Variants in KALRN observed in about 807,000 individuals in gnomAD.
The protein encoded by KALRN is kalirin RhoGEF kinase.
A neutral mutation model predicts 353.7 loss-of-function variants in KALRN; 70 were observed. The ratio of observed to expected loss-of-function variants is 0.20; its 90% CI spans 0.16 to 0.24. The LOEUF is 0.24. Among genes scored for constraint, KALRN ranks in the 10% least tolerant of loss-of-function variants. KALRN has a pLI of 1.00. For missense variants in KALRN, 2,791 were observed against 3,756.7 expected (o/e 0.74, Z 6.72); for synonymous variants, 1,391 against 1,434.8 (o/e 0.97, Z 0.69).
chr3:124,510,033 A>G (rs1415281849), intron 33 of KALRN, among the ~76,000 whole-genome samples: 5 of 152,210 alleles, frequency 3.3e-5, no homozygotes, highest in African/African-American at 4.8e-5. Flanking sequence ...GTGTGGTTCT[A>G]TTTAGTGAAG....
At chr3:124,144,643 C>T (rs566234617) in intron 1 of KALRN, among the ~76,000 whole-genome samples, 1 of 151,274 alleles carries the variant, frequency 6.6e-6, no homozygotes, top group East Asian at 2.0e-4. Context: ...TCATCCTCCT[C>T]CTCTTCCTCA....
intron 7 of KALRN, among the ~76,000 whole-genome samples, chr3:124,327,583 A>G (rs1420632449): frequency 6.6e-6 from 1 of 152,214 alleles, no homozygotes; most frequent in African/African-American, 2.4e-5. Flanking sequence ...TATATGTAAT[A>G]TATAGTCATA....
intron 17 of KALRN, among the ~76,000 whole-genome samples, chr3:124,437,228 T>C (rs1383115950): frequency 1.3e-5 from 2 of 152,172 alleles, no homozygotes; most frequent in Non-Finnish European, 2.9e-5. Context: ...TGGTGACAGA[T>C]CTTCTCATGT....
rs1166640661 is a variant in KALRN, at chr3:124,455,246, G to T, written c.3622G>T (p.Ala1208Ser). 2.5e-6 allele frequency: 4 copies of T among 1,614,060 alleles called. No individual in the cohort carries two copies. The African/African-American group carries it at 5.3e-5, about 22-fold the overall frequency. The stretch of plus-strand genomic sequence containing the variant: ...CTTTGTGGAAAAAGGCCACATTCAT[G>T]CCACGGAGATAAGGAAATGGGTGAC... ...DSFVEKGHIH[A>S]TEIRKWVTTV... Residue 1208 changes from alanine to serine, a missense_variant, in exon 22 of 60, where the codon GCC becomes TCC. Ala to Ser is a moderately conservative substitution (Grantham distance 99). Coordinates refer to ENST00000682506, the MANE Select transcript of KALRN (RefSeq NM_001388419.1).
rs2059187447 is a variant in KALRN at position 124,455,159 on chromosome 3, G to C, written c.3553-18G>C. On this transcript the variant is annotated intron_variant, in intron 21 of 59. Coordinates refer to ENST00000682506, the MANE Select transcript of KALRN (RefSeq NM_001388419.1). The stretch of plus-strand genomic sequence containing the variant: ...GAATAAATGTAATCCAGTAACTTAA[G>C]GCCATCTTTTGGGGCAGCAAACAAA... 2.5e-6 allele frequency: 4 copies of C among 1,613,732 alleles called. No individual in the cohort carries two copies. In the East Asian group the frequency reaches 8.9e-5, roughly 36 times the overall value.
chr3:124,446,910 C>A, intron 21 of KALRN, 25 bp downstream of exon 21: 1 of 1,613,054 alleles, frequency 6.2e-7, no homozygotes, highest in East Asian at 2.2e-5. Flanking sequence ...AGAGCCTCCC[C>A]CAGATCCACC....
chr3:124,148,165 C>T (rs998616505), intron 1 of KALRN, among the ~76,000 whole-genome samples: 2 of 152,228 alleles, frequency 1.3e-5, no homozygotes, highest in African/African-American at 4.8e-5. Context: ...TGTGTTTAGT[C>T]AGTAGCAGGC....
intron 11 of KALRN, among the ~76,000 whole-genome samples, chr3:124,389,899 AT>A (rs1341769704): frequency 7.9e-5 from 12 of 152,364 alleles, no homozygotes; most frequent in African/African-American, 2.4e-4. Context: ...GAACAATCCA[AT>A]AAATGTTATT....
intron 56 of KALRN, among the ~76,000 whole-genome samples, chr3:124,701,579 G>C (rs1386938320): frequency 6.6e-6 from 1 of 151,368 alleles, no homozygotes; most frequent in East Asian, 1.9e-4. Context: ...GTAGAGACAG[G>C]GTCTTGCTAT....
intron 25 of KALRN, among the ~76,000 whole-genome samples, chr3:124,466,349 T>C (rs1267382073): frequency 6.6e-6 from 1 of 152,194 alleles, no homozygotes; most frequent in African/African-American, 2.4e-5. Context: ...TTGATTGCAT[T>C]TTATAAGCAT....
chr3:124,533,113 G>T (rs1393245329), intron 33 of KALRN, among the ~76,000 whole-genome samples: 1 of 151,496 alleles, frequency 6.6e-6, no homozygotes. Flanking sequence ...TTATGGCTGG[G>T]CATGGTAGCT....
chr3:124,284,435 T>C (rs895063), intron 5 of KALRN, among the ~76,000 whole-genome samples: 144,071 of 152,276 alleles, frequency 0.95, 68,654 homozygotes, highest in Non-Finnish European at 1. Flanking sequence ...CTTTGCCTGA[T>C]GAAATCCTGT....
At chr3:124,537,705 G>A (rs536691091) in intron 33 of KALRN, among the ~76,000 whole-genome samples, 48 of 152,346 alleles carry the variant, frequency 3.2e-4, no homozygotes, top group Admixed American at 2.0e-3. Context: ...GAATCAGCAA[G>A]CATAGGTGAG....
chr3:124,332,549 G>C (rs1399386107), intron 8 of KALRN, among the ~76,000 whole-genome samples: 1 of 152,068 alleles, frequency 6.6e-6, no homozygotes, highest in Non-Finnish European at 1.5e-5. Flanking sequence ...TGCATGTTCT[G>C]TTGGGTACTT....
intron 10 of KALRN, among the ~76,000 whole-genome samples, chr3:124,377,334 T>C (rs2086725804): frequency 6.6e-6 from 1 of 152,230 alleles, no homozygotes; most frequent in East Asian, 1.9e-4. Flanking sequence ...TGTTATTTAG[T>C]TTCCAATAAT....
At chr3:124,067,817 G>C (rs776878067) in intron 1 of KALRN, among the ~76,000 whole-genome samples, 68 of 152,224 alleles carry the variant, frequency 4.5e-4, no homozygotes, top group Non-Finnish European at 7.2e-4. Flanking sequence ...CAGTTATCCT[G>C]ATGAACTGCT....
At chr3:124,449,260 A>G (rs2058544282) in intron 21 of KALRN, among the ~76,000 whole-genome samples, 1 of 152,218 alleles carries the variant, frequency 6.6e-6, no homozygotes, top group Admixed American at 6.5e-5. Flanking sequence ...ATTTAATAAT[A>G]CTGTGGTCCA....
intron 25 of KALRN, 130 bp downstream of exon 25, chr3:124,462,763 A>G (rs2059973080): frequency 1.7e-6 from 1 of 599,388 alleles, no homozygotes; most frequent in African/African-American, 1.9e-5. Context: ...TTGCTGTCAG[A>G]CTTCTTTTTT....
At chr3:124,715,724 C>G (rs1011832640) in intron 58 of KALRN, among the ~76,000 whole-genome samples, 1 of 152,228 alleles carries the variant, frequency 6.6e-6, no homozygotes, top group African/African-American at 2.4e-5. Context: ...AAAGTCATTT[C>G]TGACCCTGCA....
Sources: gnomAD v4.1 joint callset for allele counts (sites outside exome capture counted in the v4.1 genomes callset) on GRCh38, gnomAD v4.1.1 for gene constraint, MANE v1.5 for transcripts, NCBI Gene and HGNC (gene_info 2026-07-23, HGNC 2026-07-21) for gene names.